Variants in GABPA observed in about 807,000 individuals in gnomAD.
GABPA encodes the protein GA-binding protein alpha chain.
Under a neutral mutation model 59.4 loss-of-function variants are expected in GABPA, and 4 were observed. The observed-to-expected ratio is 0.07, with a 90% CI of 0.03 to 0.15. The LOEUF is 0.15. Ranked by LOEUF, GABPA falls within the 10% of genes least tolerant of loss-of-function variation. The pLI is 1.00. For synonymous variants in GABPA, 164 were observed against 183.1 expected (o/e 0.90, Z 0.84); for missense variants, 251 against 543.8 (o/e 0.46, Z 5.36).
chr21:25,767,333 T>C (rs2035914524), intron 9 of GABPA, among the ~76,000 whole-genome samples: 1 of 151,904 alleles, frequency 6.6e-6, no homozygotes, highest in Non-Finnish European at 1.5e-5. Context: ...TTGTGTGATA[T>C]ATTTGCAATT....
Position 25,769,086 on chromosome 21 carries a change from A to G in GABPA, c.1219A>G (p.Ile407Val), listed in dbSNP as rs1445790558. The change falls in exon 10 of 10, where the codon ATT becomes GTT. Residue 407 changes from isoleucine to valine, a missense_variant. Transcript: ENST00000400075. ...GTTTGTCTGTGACTTGAAGACTCTT[A>G]TTGGATACAGTGCAGCGGAGTTGAA... Reference protein sequence around the residue: ...YKFVCDLKTLIGYSAAELNRL... With the variant: ...YKFVCDLKTLVGYSAAELNRL... The G allele has an allele frequency of 6.2e-7, 1 of 1,613,484 alleles. No homozygotes were observed. Among genetic ancestry groups the G allele is most frequent in the Admixed American group, 1.7e-5 (1 of 59,996 alleles).
In GABPA at chr21:25,743,479, A is replaced by G. The variant is rs183001998; in HGVS notation, c.78-1731A>G. 1.2e-3 allele frequency among the ~76,000 whole-genome samples: 182 copies of G among 152,136 alleles called. 1 individual carries two copies. Among genetic ancestry groups the G allele is most frequent in the African/African-American group, 4.3e-3 (178 of 41,504 alleles). ...GTGGATAGTCTAGGTTAGGCGACAG[A>G]TTGGTAATTAATATGTATGACCTAT... is the stretch of plus-strand genomic sequence containing the variant. On this transcript the variant is annotated intron_variant, in intron 2 of 9. Coordinates refer to ENST00000400075, the MANE Select transcript of GABPA (RefSeq NM_002040.4).
At chr21:25,751,865 T>C in intron 4 of GABPA, 124 bp from the exon 5 acceptor site, 2 of 948,396 alleles carry the variant, frequency 2.1e-6, no homozygotes, top group South Asian at 3.5e-5. Context: ...ATGTTAACTT[T>C]TACTACATTT....
intron 5 of GABPA, among the ~76,000 whole-genome samples, chr21:25,753,769 C>T (rs1278692025): frequency 2.0e-5 from 3 of 152,074 alleles, no homozygotes; most frequent in Non-Finnish European, 2.9e-5. Flanking sequence ...CAAGAGTTGG[C>T]GGGGACCTGA....
intron 9 of GABPA, among the ~76,000 whole-genome samples, chr21:25,766,747 A>C (rs1181100066): frequency 1.3e-5 from 2 of 151,946 alleles, no homozygotes; most frequent in Non-Finnish European, 2.9e-5. Context: ...TTTTGATAGG[A>C]ATGTAAATTG....
At chr21:25,751,902 C>A in intron 4 of GABPA, 87 bp from the exon 5 acceptor site, 1 of 1,339,970 alleles carries the variant, frequency 7.5e-7, no homozygotes, top group Non-Finnish European at 1.0e-6. Flanking sequence ...TTTTTCTCTA[C>A]CATTTGGGAA....
At chr21:25,762,213 C>T in intron 6 of GABPA, 99 bp from the exon 7 acceptor site, 1 of 624,500 alleles carries the variant, frequency 1.6e-6, no homozygotes, top group Non-Finnish European at 2.8e-6. Context: ...TTGTGGAGTT[C>T]TTTTTAAAAG....
chr21:25,749,883 C>T (rs115590103), intron 4 of GABPA, among the ~76,000 whole-genome samples: 2,254 of 152,306 alleles, frequency 0.015, 60 homozygotes, highest in African/African-American at 0.052. Context: ...TGGTCCCCAA[C>T]CTTTTTTGGC....
At chr21:25,763,305 T>C (rs2035808865) in intron 7 of GABPA, 1 of 346,258 alleles carries the variant, frequency 2.9e-6, no homozygotes, top group Admixed American at 4.0e-5. Context: ...CATCTTTCTT[T>C]TCCGCTTATG....
chr21:25,747,166 G>GA (rs2035388005), intron 3 of GABPA, among the ~76,000 whole-genome samples: 1 of 152,176 alleles, frequency 6.6e-6, no homozygotes, highest in Non-Finnish European at 1.5e-5. Context: ...TGTGGCTCCA[G>GA]AACTCTCTTC....
intron 2 of GABPA, among the ~76,000 whole-genome samples, chr21:25,742,005 C>A (rs1268644162): frequency 6.6e-6 from 1 of 152,116 alleles, no homozygotes; most frequent in Non-Finnish European, 1.5e-5. Context: ...ACTCATTTAA[C>A]AAATATTTAT....
rs143757066 is a variant in GABPA, at chr21:25,743,835, G to A, written c.78-1375G>A. Among the ~76,000 whole-genome samples the A allele has an allele frequency of 2.4e-3, 358 of 151,910 alleles. 3 individuals are homozygous for A. Among genetic ancestry groups the A allele is most frequent in the African/African-American group, 8.3e-3 (343 of 41,428 alleles). On this transcript the variant is annotated intron_variant, in intron 2 of 9. Transcript: ENST00000400075. ...TGGGAGGCCAAGGCAGGTGAATCAC[G>A]AGGTCAAGAGATCGAGACCATCCTG...
intron 3 of GABPA, among the ~76,000 whole-genome samples, chr21:25,745,822 T>G (rs1439402745): frequency 6.6e-6 from 1 of 152,196 alleles, no homozygotes. Flanking sequence ...GAATTTATTG[T>G]AAAAGGATTT....
chr21:25,743,822 G>A (rs577173142), intron 2 of GABPA, among the ~76,000 whole-genome samples: 144 of 152,096 alleles, frequency 9.5e-4, no homozygotes, highest in South Asian at 1.9e-3. Flanking sequence ...GGAGGCCAAG[G>A]CAGGTGAATC....
rs753712155 is a variant in GABPA at position 25,739,424 on chromosome 21, C to T, written c.-26-2149C>T. 3.5e-4 allele frequency among the ~76,000 whole-genome samples: 54 copies of T among 152,118 alleles called. 1 individual carries two copies. The highest frequency in any genetic ancestry group is 2.8e-3 in the Admixed American group (42 of 15,266). On this transcript the variant is annotated intron_variant, in intron 1 of 9. Transcript: ENST00000400075. ...GTCTCTGGGCTAAAATGAGGTGTTG[C>T]CAGTGCTGTTTTTCTAGAGCCTTCG... is the stretch of plus-strand genomic sequence containing the variant.
chr21:25,752,484 A>G, intron 5 of GABPA: 1 of 437,398 alleles, frequency 2.3e-6, no homozygotes, highest in Non-Finnish European at 4.1e-6. Context: ...AGTTGAAGAG[A>G]GAGAAGATAG....
rs1036828982 is a variant in GABPA at position 25,735,173 on chromosome 21, G to A, written c.-432G>A. On this transcript the variant is annotated 5_prime_UTR_variant, in exon 1 of 10. Transcript: ENST00000400075. The stretch of plus-strand genomic sequence containing the variant: ...TTGAAACCTTGCTCTGTACGCATGC[G>A]CTCTTTGAGTGGCCTTTCCCCTAGT... 4.9e-6 allele frequency: 3 copies of A among 609,892 alleles called. No homozygotes were observed. Among genetic ancestry groups the A allele is most frequent in the Non-Finnish European group, 5.9e-6 (2 of 339,202 alleles). 37.8% of individuals were successfully genotyped at this position (609,892 alleles called of 1,614,324 possible). A position where few individuals can be genotyped will look rare whatever the true frequency, so the allele number is the denominator to read the frequency against.
At chr21:25,746,228 T>C (rs911780603) in intron 3 of GABPA, among the ~76,000 whole-genome samples, 1 of 152,138 alleles carries the variant, frequency 6.6e-6, no homozygotes, top group Non-Finnish European at 1.5e-5. Flanking sequence ...TTGGCCAGGC[T>C]GCTCTTGAAC....
intron 4 of GABPA, among the ~76,000 whole-genome samples, chr21:25,751,075 G>A (rs1223659076): frequency 1.3e-5 from 2 of 152,070 alleles, no homozygotes; most frequent in Admixed American, 6.6e-5. Context: ...AACAGAAGCA[G>A]TTATGTAATA....
Sources: allele counts gnomAD v4.1 joint callset (sites outside exome capture counted in the v4.1 genomes callset), GRCh38; gene constraint gnomAD v4.1.1; transcripts MANE v1.5; gene names NCBI Gene and HGNC (gene_info 2026-07-23, HGNC 2026-07-21).